The following GGTA1 variants were observed in gnomAD, a reference collection of about 807,000 sequenced individuals.
GGTA1 encodes the protein glycoprotein alpha-galactosyltransferase 1 (inactive).
Under a neutral mutation model 2.6 loss-of-function variants are expected in GGTA1, and 5 were observed. The ratio of observed to expected loss-of-function variants is 1.92; its 90% CI spans 1.00 to 4.04. GGTA1 has a LOEUF of 4.04. Ranked by LOEUF, GGTA1 falls within the 30% of genes most tolerant of loss-of-function variation. GGTA1 has a pLI of 0.00. For missense variants in GGTA1, 50 were observed against 16.7 expected (o/e 2.99, Z -3.47); for synonymous variants, 17 against 5.0 (o/e 3.38, Z -3.19).
chr9:121,477,905 C>T (rs2118725184), intron 1 of GGTA1, among the ~76,000 whole-genome samples: 1 of 152,212 alleles, frequency 6.6e-6, no homozygotes, highest in Non-Finnish European at 1.5e-5. Flanking sequence ...GAGGGCTCCC[C>T]AAATGGAATC....
chr9:121,483,010 G>A (rs1310445764), intron 1 of GGTA1, among the ~76,000 whole-genome samples: 2 of 152,114 alleles, frequency 1.3e-5, no homozygotes, highest in African/African-American at 4.8e-5. Context: ...ATGGTCAGTG[G>A]GGAAGGGAAG....
At chr9:121,454,784 G>A (rs1407855027), downstream of GGTA1, among the ~76,000 whole-genome samples, 3 of 152,152 alleles carry the variant, frequency 2.0e-5, no homozygotes, top group African/African-American at 7.2e-5. Context: ...AGGCCAAGGC[G>A]GGTGGATCAT....
intron 3 of GGTA1, chr9:121,462,884 AAG>A (rs1294734515): frequency 1.9e-5 from 3 of 155,018 alleles, no homozygotes; most frequent in African/African-American, 7.2e-5. Flanking sequence ...AAAATACAAA[AAG>A]AAAATTTTAA....
intron 1 of GGTA1, among the ~76,000 whole-genome samples, chr9:121,484,737 G>A (rs1828723376): frequency 1.3e-5 from 2 of 152,146 alleles, no homozygotes. Context: ...TTTAATACAA[G>A]GAACTAAGTT....
At chr9:121,464,988 C>CCAAA (rs2064992341) in intron 2 of GGTA1, among the ~76,000 whole-genome samples, 1 of 121,854 alleles carries the variant, frequency 8.2e-6, no homozygotes, top group African/African-American at 3.0e-5. Flanking sequence ...CGTAAAGTGG[C>CCAAA]AAAAAAACAA....
At chr9:121,485,629 A>G (rs1828741850) in intron 1 of GGTA1, among the ~76,000 whole-genome samples, 1 of 152,198 alleles carries the variant, frequency 6.6e-6, no homozygotes, top group Non-Finnish European at 1.5e-5. Context: ...CGGGCTCTGG[A>G]GAAAAATGGG....
At chr9:121,449,764 T>G (rs1346226657) in intron 7 of GGTA1, among the ~76,000 whole-genome samples, 1 of 131,784 alleles carries the variant, frequency 7.6e-6, no homozygotes, top group African/African-American at 2.9e-5. Flanking sequence ...TGCCGGAACC[T>G]GGGAGGCAGA....
At chr9:121,464,635 CAAAACA>C (rs1268109059) in intron 2 of GGTA1, among the ~76,000 whole-genome samples, 1 of 151,832 alleles carries the variant, frequency 6.6e-6, no homozygotes, top group African/African-American at 2.4e-5. Flanking sequence ...AAAAACAAAA[CAAAACA>C]AAACAAAAAG....
In GGTA1 at chr9:121,458,424, C is replaced by T. The variant is rs1393725624; in HGVS notation, c.298+1680G>A. 4.6e-5 allele frequency among the ~76,000 whole-genome samples: 7 copies of T among 151,350 alleles called. No individual in the cohort carries two copies. In the East Asian group the frequency reaches 1.4e-3, roughly 30 times the overall value. ...AGGGGATCACTTGAAACCAGGAGTT[C>T]AAGACCAGCCTGGGCAACATGGCAA... On this transcript the variant is annotated intron_variant, in intron 5 of 5. Transcript: ENST00000481799.
At chr9:121,485,379 C>G (rs1008724950) in intron 1 of GGTA1, among the ~76,000 whole-genome samples, 2 of 152,138 alleles carry the variant, frequency 1.3e-5, no homozygotes, top group East Asian at 3.8e-4. Flanking sequence ...CCCCAGGCAG[C>G]CTCCTTCAGA....
chr9:121,449,589 C>T (rs1032990603), intron 7 of GGTA1, among the ~76,000 whole-genome samples: 26 of 152,138 alleles, frequency 1.7e-4, no homozygotes, highest in Non-Finnish European at 3.5e-4. Flanking sequence ...CGCCTGTAAT[C>T]CCAGCACTTT....
In GGTA1 at chr9:121,487,518, G is replaced by T. The variant is rs945139092; in HGVS notation, c.-10+12132C>A. On this transcript the variant is annotated intron_variant, in intron 1 of 5. Coordinates refer to ENST00000481799, the MANE Select transcript of GGTA1 (RefSeq NM_001382585.1). ...TTGAACCCGGGAGGCAGAGGTTGCA[G>T]TGACCCGAGATCGCGCCACTGCACT... 7.8e-5 allele frequency among the ~76,000 whole-genome samples: 11 copies of T among 141,480 alleles called. No individual in the cohort carries two copies. The Admixed American group carries it at 8.1e-4, about 10-fold the overall frequency. 92.8% of individuals were successfully genotyped at this position (141,480 alleles called of 152,430 possible).
chr9:121,447,866 T>C (rs1434162518), intron 7 of GGTA1, among the ~76,000 whole-genome samples: 1 of 152,190 alleles, frequency 6.6e-6, no homozygotes, highest in Non-Finnish European at 1.5e-5. Flanking sequence ...GAATGACTTA[T>C]CTCACTGCCA....
chr9:121,485,403 G>A (rs191782038), intron 1 of GGTA1, among the ~76,000 whole-genome samples: 16 of 152,216 alleles, frequency 1.1e-4, no homozygotes, highest in Admixed American at 5.2e-4. Context: ...TCAGTATCCC[G>A]TCCTAACTAG....
At chr9:121,496,452 C>T (rs55797806) in intron 1 of GGTA1, among the ~76,000 whole-genome samples, 23,637 of 151,770 alleles carry the variant, frequency 0.16, 2,147 homozygotes, top group Non-Finnish European at 0.21. Context: ...GAAGGTAGGC[C>T]GGGCGTGGTG....
intron 1 of GGTA1, among the ~76,000 whole-genome samples, chr9:121,494,988 C>T (rs1047858426): frequency 2.7e-4 from 39 of 147,012 alleles, no homozygotes; most frequent in African/African-American, 9.0e-4. Flanking sequence ...GCAGTGGTGC[C>T]ATCTCAGCTC....
At chr9:121,473,756 T>G (rs1301340409) in intron 1 of GGTA1, among the ~76,000 whole-genome samples, 1 of 152,026 alleles carries the variant, frequency 6.6e-6, no homozygotes, top group Non-Finnish European at 1.5e-5. Context: ...GGAAACCCCC[T>G]CTCTACAAAA....
intron 5 of GGTA1, among the ~76,000 whole-genome samples, chr9:121,459,395 C>A (rs1049801330): frequency 6.6e-6 from 1 of 152,164 alleles, no homozygotes; most frequent in African/African-American, 2.4e-5. Flanking sequence ...ACGATTGCAC[C>A]ACTGCGCTCC....
chr9:121,465,962 C>A (rs773740564), intron 2 of GGTA1, among the ~76,000 whole-genome samples: 74 of 152,290 alleles, frequency 4.9e-4, no homozygotes, highest in Admixed American at 1.7e-3. Flanking sequence ...GTCACCCAGG[C>A]TGGAGTGCAG....
Sources: gnomAD v4.1 joint callset for allele counts (sites outside exome capture counted in the v4.1 genomes callset) on GRCh38, gnomAD v4.1.1 for gene constraint, MANE v1.5 for transcripts, NCBI Gene and HGNC (gene_info 2026-07-23, HGNC 2026-07-21) for gene names.